The following SULF2 variants were observed in gnomAD, a reference collection of about 807,000 sequenced individuals.
The protein encoded by SULF2 is sulfatase 2, also known as extracellular sulfatase Sulf-2.
A neutral mutation model predicts 107.7 loss-of-function variants in SULF2; 52 were observed. The ratio of observed to expected loss-of-function variants is 0.48; its 90% confidence interval spans 0.39 to 0.61. The LOEUF is 0.61. Ranked by LOEUF, SULF2 falls within the 20% of genes least tolerant of loss-of-function variation. The probability of loss-of-function intolerance (pLI) is 0.00; values close to 1 mark genes in which losing one functional copy is unlikely to be tolerated. For missense variants in SULF2, 993 were observed against 1,177.3 expected, an observed-to-expected ratio of 0.84 and a Z score of 2.29; for synonymous variants, 460 against 464.3, an observed-to-expected ratio of 0.99 and a Z score of 0.12.
At chr20:47,659,030 G>C (rs895021894) in intron 20 of SULF2, among the ~76,000 whole-genome samples, 3 of 152,112 alleles carry the variant, frequency 2.0e-5, no homozygotes, top group African/African-American at 7.2e-5. Context: ...TGGGCTTTTT[G>C]GAAACCATTT....
chr20:47,675,589 C>A (rs1434788179), intron 10 of SULF2, among the ~76,000 whole-genome samples: 2 of 152,142 alleles, frequency 1.3e-5, no homozygotes, highest in Admixed American at 6.5e-5. Context: ...GCCTTCAATA[C>A]CAGGGCCCTG....
intron 3 of SULF2, among the ~76,000 whole-genome samples, chr20:47,712,318 C>A (rs531959936): frequency 6.6e-6 from 1 of 152,178 alleles, no homozygotes; most frequent in African/African-American, 2.4e-5. Flanking sequence ...TCTACCCCAC[C>A]GAGCATTGGC....
intron 7 of SULF2, among the ~76,000 whole-genome samples, chr20:47,679,280 T>C (rs1429711919): frequency 2.0e-5 from 3 of 151,996 alleles, no homozygotes; most frequent in Non-Finnish European, 4.4e-5. Context: ...GGGGCCACCG[T>C]CCCTCACCCC....
chr20:47,696,436 C>G (rs564513641), intron 4 of SULF2, among the ~76,000 whole-genome samples: 80 of 152,142 alleles, frequency 5.3e-4, no homozygotes, highest in Non-Finnish European at 9.1e-4. Flanking sequence ...CTCTTCTGTC[C>G]CCTACTGGGA....
Position 47,683,091 on chromosome 20 carries a change from C to T in SULF2, c.967G>A (p.Gly323Ser), listed in dbSNP as rs376276741. Residue 323 changes from glycine (G) to serine (S), a missense_variant, in exon 7 of 21, where the codon GGC becomes AGC. By Grantham distance (56) the Gly-to-Ser change is moderately conservative. Around this residue, in one of 3 missense-constraint regions of SULF2, gnomAD observed 108 missense variants for 183.9 expected, o/e 0.59. Coordinates refer to ENST00000688720, the MANE Select transcript of SULF2 (RefSeq NM_001387048.1). Reference sequence around the variant, plus strand: ...TTCCCTTTCACCAGGCCAAACTGGCCGATGTGGTAACCGTGGTCGGCGGTG... The same window carrying T: ...TTCCCTTTCACCAGGCCAAACTGGCTGATGTGGTAACCGTGGTCGGCGGTG... The part of the protein sequence containing the change: ...VYTADHGYHI[G>S]QFGLVKGKSM... 6 of 1,613,540 alleles carry T rather than the reference C, an allele frequency of 3.7e-6. No homozygotes were observed. The highest frequency in any genetic ancestry group is 1.3e-5 in the African/African-American group (1 of 74,918).
chr20:47,765,351 T>TAA (rs71183276), intron 1 of SULF2, among the ~76,000 whole-genome samples: 1 of 122,822 alleles, frequency 8.1e-6, no homozygotes, highest in Admixed American at 8.3e-5. Context: ...GACACTGCCT[T>TAA]AAAAAAAAAC....
intron 3 of SULF2, among the ~76,000 whole-genome samples, chr20:47,704,397 C>T (rs918440410): frequency 3.3e-5 from 5 of 152,158 alleles, no homozygotes; most frequent in South Asian, 2.1e-4. Flanking sequence ...CTCATCCTCC[C>T]GAGTAGCTGG....
chr20:47,773,780 C>T (rs748924319), intron 1 of SULF2, among the ~76,000 whole-genome samples: 4 of 152,230 alleles, frequency 2.6e-5, no homozygotes, highest in African/African-American at 4.8e-5. Flanking sequence ...TGTAGACTGC[C>T]ACAGTGGGGA....
chr20:47,750,222 C>A (rs775959902), intron 2 of SULF2, among the ~76,000 whole-genome samples: 1 of 152,154 alleles, frequency 6.6e-6, no homozygotes, highest in Non-Finnish European at 1.5e-5. Context: ...CCTCTTGATC[C>A]GCGTGCCTTG....
chr20:47,725,197 T>G (rs1284994124), intron 3 of SULF2, among the ~76,000 whole-genome samples: 5 of 152,106 alleles, frequency 3.3e-5, no homozygotes, highest in Admixed American at 3.3e-4. Flanking sequence ...GGATGGGACT[T>G]TCAGAAATAA....
At chr20:47,672,958 G>A (rs1602607428) in intron 10 of SULF2, among the ~76,000 whole-genome samples, 1 of 152,158 alleles carries the variant, frequency 6.6e-6, no homozygotes, top group Non-Finnish European at 1.5e-5. Context: ...CTTCCCGTCT[G>A]CTCCAGCGCA....
At chr20:47,774,227 G>C (rs1261516221) in intron 1 of SULF2, among the ~76,000 whole-genome samples, 1 of 152,216 alleles carries the variant, frequency 6.6e-6, no homozygotes, top group Non-Finnish European at 1.5e-5. Flanking sequence ...AAATAGACCG[G>C]CAAGTGGGAG....
At chr20:47,717,199 C>T (rs182274219) in intron 3 of SULF2, among the ~76,000 whole-genome samples, 2 of 152,326 alleles carry the variant, frequency 1.3e-5, no homozygotes, top group African/African-American at 4.8e-5. Context: ...CCTGGGACCA[C>T]GCTTTGAGAG....
chr20:47,748,200 C>CCCCTTCATT (rs1007363107), intron 2 of SULF2, among the ~76,000 whole-genome samples: 1 of 152,212 alleles, frequency 6.6e-6, no homozygotes, highest in Non-Finnish European at 1.5e-5. Context: ...CCATCCTCCT[C>CCCCTTCATT]CCCTTCATTC....
At chr20:47,713,814 T>C (rs1183435868) in intron 3 of SULF2, among the ~76,000 whole-genome samples, 1 of 151,524 alleles carries the variant, frequency 6.6e-6, no homozygotes, top group Non-Finnish European at 1.5e-5. Context: ...GTTCCCAAAA[T>C]ACAGTCTGCT....
chr20:47,665,136 GATGAAC>G, intron 14 of SULF2, 57 bp downstream of exon 14: 1 of 1,024,306 alleles, frequency 9.8e-7, no homozygotes. Flanking sequence ...CACGAGAGGG[GATGAAC>G]TGAACTGTCC....
chr20:47,773,945 A>G (rs868287009), intron 1 of SULF2, among the ~76,000 whole-genome samples: 1 of 152,244 alleles, frequency 6.6e-6, no homozygotes, highest in Non-Finnish European at 1.5e-5. Flanking sequence ...ACGGCTTGGT[A>G]TTAATAATCC....
rs1338896087 is a variant in SULF2, at chr20:47,684,541, A to C, written c.778T>G (p.Trp260Gly). The stretch of plus-strand genomic sequence containing the variant: ...ATGGGCCCCGTGTAGCGCATGATCC[A>C]GTGTTTGTCCGGGTTGGGCGCGTAG... ...YNYAPNPDKH[W>G]IMRYTGPMKP... The change falls in exon 6 of 21, where the codon TGG becomes GGG. Residue 260 changes from tryptophan to glycine, a missense_variant. Trp to Gly is a radical substitution (Grantham distance 184). Transcript: ENST00000688720. The C allele has an allele frequency of 1.2e-6, 2 of 1,614,050 alleles. No individual in the cohort carries two copies. The highest frequency in any genetic ancestry group is 1.3e-5 in the African/African-American group (1 of 75,020).
chr20:47,676,416 C>G (rs941879881), intron 10 of SULF2, 78 bp downstream of exon 10: 12 of 1,515,886 alleles, frequency 7.9e-6, no homozygotes, highest in African/African-American at 5.5e-5. Flanking sequence ...GCTGGCTCAG[C>G]GGCTCTCAGA....
Sources: gnomAD v4.1 joint callset for allele counts (sites outside exome capture counted in the v4.1 genomes callset) on GRCh38, gnomAD v4.1.1 for gene constraint, gnomAD v4.1.1 regional missense constraint, MANE v1.5 for transcripts, NCBI Gene and HGNC (gene_info 2026-07-23, HGNC 2026-07-21) for gene names.